CYP2J2: variants seen among roughly 807,000 people sequenced by gnomAD.
CYP2J2 encodes the protein cytochrome P450 family 2 subfamily J member 2.
CYP2J2 carries 41 observed loss-of-function variants against 48.8 expected under a neutral mutation model. That is an observed-to-expected ratio of 0.84 (90% confidence interval 0.66 to 1.09). The LOEUF (loss-of-function observed/expected upper bound fraction) is 1.09, where lower values mean the gene tolerates loss of function less well. Ranked by LOEUF, CYP2J2 falls within the 50% of genes least tolerant of loss-of-function variation. CYP2J2 has a pLI of 0.00. For missense variants in CYP2J2, 644 were observed against 617.3 expected (o/e 1.04, Z -0.46); for synonymous variants, 221 against 227.1 (o/e 0.97, Z 0.24).
intron 2 of CYP2J2, among the ~76,000 whole-genome samples, chr1:59,915,472 G>C (rs930337167): frequency 1.3e-5 from 2 of 152,138 alleles, no homozygotes; most frequent in Non-Finnish European, 2.9e-5. Context: ...ATGCCAATCT[G>C]TTCATGCCAA....
chr1:59,915,884 G>T, intron 2 of CYP2J2, 54 bp downstream of exon 2: 3 of 1,556,452 alleles, frequency 1.9e-6, no homozygotes, highest in Middle Eastern at 1.7e-4. Context: ...GCCTTTAACA[G>T]ATTATAGGAC....
intron 6 of CYP2J2, among the ~76,000 whole-genome samples, chr1:59,906,666 C>T (rs1644367958): frequency 6.6e-6 from 1 of 152,124 alleles, no homozygotes; most frequent in Non-Finnish European, 1.5e-5. Flanking sequence ...AGCCTCTGGC[C>T]ACCACCATTC....
Position 59,909,773 on chromosome 1 carries a change from G to A in CYP2J2, c.861+11C>T, listed in dbSNP as rs2102121463. On this transcript the variant is annotated intron_variant, in intron 5 of 8. Transcript: ENST00000371204. The stretch of plus-strand genomic sequence containing the variant: ...TAAGAACAAAATACAAAATGACTTT[G>A]GTTTTCTCACCTTTGACATTTCTTT... 1 of 1,562,232 alleles carries A rather than the reference G, an allele frequency of 6.4e-7. No homozygotes were observed. The highest frequency in any genetic ancestry group is 1.7e-4 in the Middle Eastern group (1 of 5,792).
At chr1:59,960,097 G>C in the CYP2J2 span, among the ~76,000 whole-genome samples, 1 of 152,122 alleles carries the variant, frequency 6.6e-6, no homozygotes, top group South Asian at 2.1e-4. Context: ...GCCTTAATTT[G>C]GGCTTTTCCC....
In CYP2J2 at chr1:59,916,036, G is replaced by A; in HGVS notation, c.275C>T (p.Thr92Ile). 6.2e-7 allele frequency: 1 copy of A among 1,613,952 alleles called. No homozygotes were observed. The highest frequency in any genetic ancestry group is 8.5e-7 in the Non-Finnish European group (1 of 1,179,886). The stretch of plus-strand genomic sequence containing the variant: ...GGCTTCTTTGATTAAGGGCAAGCCA[G>A]TAATAAGAACTGCAGATATGTCACC... ...ELGDISAVLI[T>I]GLPLIKEALI... Residue 92 changes from threonine to isoleucine, a missense_variant, in exon 2 of 9, where the codon ACT becomes ATT. Transcript: ENST00000371204.
At chr1:59,957,317 A>C in the CYP2J2 span, among the ~76,000 whole-genome samples, 1 of 150,578 alleles carries the variant, frequency 6.6e-6, no homozygotes. Context: ...AAGATCTAGA[A>C]GTTGGAGGAC....
At chr1:59,959,674 T>C in the CYP2J2 span, among the ~76,000 whole-genome samples, 2 of 152,096 alleles carry the variant, frequency 1.3e-5, no homozygotes, top group Admixed American at 1.3e-4. Context: ...TACATATATA[T>C]ACATATGTAT....
chr1:59,943,911 T>C, the CYP2J2 span, among the ~76,000 whole-genome samples: 1 of 152,168 alleles, frequency 6.6e-6, no homozygotes, highest in Non-Finnish European at 1.5e-5. Context: ...TTGATTGTGG[T>C]ATGCTGAAGA....
Position 59,926,620 on chromosome 1 carries a change from A to T in CYP2J2, c.127T>A (p.Tyr43Asn). ...DFLKRRRPKN[Y>N]PPGPWRLPFL... ...GGCAGGCGCCAGGGCCCCGGCGGGTAGTTCTTTGGGCGCCGTCTTTTGAGA... is the reference window on the plus strand; with the variant it reads ...GGCAGGCGCCAGGGCCCCGGCGGGTTGTTCTTTGGGCGCCGTCTTTTGAGA... The change falls in exon 1 of 9, where the codon TAC becomes AAC. Residue 43 changes from tyrosine to asparagine, a missense_variant. By Grantham distance (143) the Tyr-to-Asn change is moderately radical (BLOSUM62 -2). Coordinates refer to ENST00000371204, the MANE Select transcript of CYP2J2 (RefSeq NM_000775.4). 1 of 1,614,178 alleles carries T rather than the reference A, an allele frequency of 6.2e-7. No individual in the cohort carries two copies. Among genetic ancestry groups the T allele is most frequent in the Non-Finnish European group, 8.5e-7 (1 of 1,180,014 alleles).
At chr1:59,897,967 G>C (rs1644284112) in intron 8 of CYP2J2, among the ~76,000 whole-genome samples, 2 of 152,142 alleles carry the variant, frequency 1.3e-5, no homozygotes, top group Admixed American at 6.6e-5. Context: ...CAACCCTTTG[G>C]ATTCTTCAGA....
the CYP2J2 span, among the ~76,000 whole-genome samples, chr1:59,949,701 CTTTTT>C: frequency 7.2e-6 from 1 of 139,856 alleles, no homozygotes. Flanking sequence ...TGACTGGAAG[CTTTTT>C]TTTTTTTTTT....
the CYP2J2 span, among the ~76,000 whole-genome samples, chr1:59,944,548 G>A: frequency 6.6e-6 from 1 of 152,106 alleles, no homozygotes; most frequent in African/African-American, 2.4e-5. Flanking sequence ...ATGTCTGTAG[G>A]ACAAATTCAT....
the CYP2J2 span, among the ~76,000 whole-genome samples, chr1:59,951,188 C>T: frequency 6.6e-6 from 1 of 152,170 alleles, no homozygotes; most frequent in Non-Finnish European, 1.5e-5. Flanking sequence ...AGTAGCTGGG[C>T]CAAGGTTTGA....
the CYP2J2 span, among the ~76,000 whole-genome samples, chr1:59,938,610 T>C: frequency 6.6e-6 from 1 of 152,294 alleles, no homozygotes; most frequent in Non-Finnish European, 1.5e-5. Flanking sequence ...ATTGAACAAA[T>C]GTACAATCGG....
chr1:59,944,176 G>T, the CYP2J2 span, among the ~76,000 whole-genome samples: 3 of 152,262 alleles, frequency 2.0e-5, no homozygotes, highest in South Asian at 2.1e-4. Context: ...ATTGTGTCTA[G>T]CTGTCTAAAG....
chr1:59,959,991 A>G, the CYP2J2 span, among the ~76,000 whole-genome samples: 46 of 152,080 alleles, frequency 3.0e-4, no homozygotes, highest in Admixed American at 1.5e-3. Flanking sequence ...AGAAATCACC[A>G]CTGAAGAACT....
the CYP2J2 span, among the ~76,000 whole-genome samples, chr1:59,935,083 G>A: frequency 8.2e-6 from 1 of 122,640 alleles, no homozygotes; most frequent in Non-Finnish European, 1.7e-5. Flanking sequence ...TCTTAAAAAA[G>A]GAGGACATCC....
At chr1:59,953,187 G>T in the CYP2J2 span, among the ~76,000 whole-genome samples, 1 of 152,070 alleles carries the variant, frequency 6.6e-6, no homozygotes, top group Non-Finnish European at 1.5e-5. Flanking sequence ...CAGAGCCCAG[G>T]GAAGTTCTCT....
intron 4 of CYP2J2, among the ~76,000 whole-genome samples, 174 bp from the exon 5 acceptor site, chr1:59,910,134 G>A (rs1048509862): frequency 6.6e-6 from 1 of 151,870 alleles, no homozygotes; most frequent in African/African-American, 2.4e-5. Context: ...TCAGCTCTCT[G>A]TCAAAAATAT....
Sources: gnomAD v4.1 joint callset for allele counts (sites outside exome capture counted in the v4.1 genomes callset) on GRCh38, gnomAD v4.1.1 for gene constraint, MANE v1.5 for transcripts, NCBI Gene and HGNC (gene_info 2026-07-23, HGNC 2026-07-21) for gene names.